CDH12: variants seen among roughly 807,000 people sequenced by gnomAD.
CDH12 encodes cadherin-12.
In CDH12, 41 loss-of-function variants were observed where a neutral mutation model predicts 74.1. That is an observed-to-expected ratio of 0.55 (90% CI 0.43 to 0.72). The LOEUF is 0.72. Ranked by LOEUF, CDH12 falls within the 30% of genes least tolerant of loss-of-function variation. CDH12 has a pLI of 0.00. For missense variants in CDH12, 945 were observed against 977.2 expected, an observed-to-expected ratio of 0.97 and a Z score of 0.44; for synonymous variants, 399 against 355.0, an observed-to-expected ratio of 1.12 and a Z score of -1.39.
intron 4 of CDH12, among the ~76,000 whole-genome samples, chr5:22,101,779 A>T (rs1380851466): frequency 5.9e-5 from 9 of 152,216 alleles, no homozygotes; most frequent in Non-Finnish European, 1.5e-5. Context: ...TAAACTGCAG[A>T]TGAGAAAACT....
chr5:22,340,855 G>C (rs1400203484), intron 3 of CDH12, among the ~76,000 whole-genome samples: 3 of 152,006 alleles, frequency 2.0e-5, no homozygotes, highest in African/African-American at 7.2e-5. Flanking sequence ...GAATAACTTG[G>C]AATACTGAAG....
intron 1 of CDH12, among the ~76,000 whole-genome samples, chr5:22,754,806 C>A (rs1160805687): frequency 6.6e-6 from 1 of 151,962 alleles, no homozygotes; most frequent in African/African-American, 2.4e-5. Flanking sequence ...AGGAAAAAGG[C>A]TAAAATCAAA....
At chr5:21,862,934 T>G (rs995516036) in intron 6 of CDH12, among the ~76,000 whole-genome samples, 1 of 152,126 alleles carries the variant, frequency 6.6e-6, no homozygotes, top group Non-Finnish European at 1.5e-5. Context: ...GCCTTCTCCT[T>G]CAGCCCCTTC....
intron 1 of CDH12, among the ~76,000 whole-genome samples, chr5:22,828,533 T>C (rs17359806): frequency 6.6e-6 from 1 of 152,218 alleles, no homozygotes; most frequent in East Asian, 1.9e-4. Context: ...CTGAAATAAA[T>C]TGAAAAGCAG....
chr5:22,559,968 T>G (rs1484838543), intron 1 of CDH12, among the ~76,000 whole-genome samples: 1 of 152,198 alleles, frequency 6.6e-6, no homozygotes, highest in Non-Finnish European at 1.5e-5. Flanking sequence ...TCCTTTACCT[T>G]GCATTAAGTG....
intron 3 of CDH12, among the ~76,000 whole-genome samples, chr5:22,249,537 G>T (rs1753066910): frequency 6.6e-6 from 1 of 152,140 alleles, no homozygotes; most frequent in Admixed American, 6.6e-5. Context: ...TCAAGGAGCT[G>T]GTTTACTTTT....
chr5:22,828,375 GATAAAAAAATTTGATAGGCA>G (rs1736433628), intron 1 of CDH12, among the ~76,000 whole-genome samples: 1 of 152,084 alleles, frequency 6.6e-6, no homozygotes, highest in South Asian at 2.1e-4. Flanking sequence ...GCTGGTTTTG[GATAAAAAAATTTGATAGGCA>G]TTACTTTAAA....
chr5:22,661,041 T>C (rs1580861910), intron 1 of CDH12, among the ~76,000 whole-genome samples: 1 of 152,194 alleles, frequency 6.6e-6, no homozygotes, highest in African/African-American at 2.4e-5. Flanking sequence ...TACATCTCTG[T>C]AGATCTTGCA....
intron 3 of CDH12, among the ~76,000 whole-genome samples, chr5:22,241,247 AC>A (rs1217549179): frequency 6.6e-6 from 1 of 151,904 alleles, no homozygotes; most frequent in Non-Finnish European, 1.5e-5. Context: ...TTTTTTTCCC[AC>A]AAAGGCCATA....
chr5:22,657,975 T>C (rs1286307803), intron 1 of CDH12, among the ~76,000 whole-genome samples: 1 of 152,190 alleles, frequency 6.6e-6, no homozygotes, highest in Non-Finnish European at 1.5e-5. Context: ...TAAAAGCTCA[T>C]GATGGCTAAG....
At chr5:22,752,181 TA>T (rs1465389170) in intron 1 of CDH12, among the ~76,000 whole-genome samples, 1 of 152,188 alleles carries the variant, frequency 6.6e-6, no homozygotes, top group East Asian at 1.9e-4. Flanking sequence ...CATAGATTTA[TA>T]AAATTTTCCC....
intron 1 of CDH12, among the ~76,000 whole-genome samples, chr5:22,708,539 T>TG (rs1189608260): frequency 4.6e-5 from 7 of 152,142 alleles, no homozygotes; most frequent in African/African-American, 1.7e-4. Flanking sequence ...ACAAAGGGTA[T>TG]GGTGTGCATG....
At chr5:21,752,527 T>C (rs943724006) in intron 14 of CDH12, among the ~76,000 whole-genome samples, 1 of 152,130 alleles carries the variant, frequency 6.6e-6, no homozygotes, top group African/African-American at 2.4e-5. Context: ...AAAAAGGAAA[T>C]AGTAGTTCTT....
At chr5:22,824,343 C>A (rs148442808) in intron 1 of CDH12, among the ~76,000 whole-genome samples, 1,968 of 152,050 alleles carry the variant, frequency 0.013, 46 homozygotes, top group African/African-American at 0.045. Flanking sequence ...AAATATTTTA[C>A]ATACAAGAAA....
At chr5:22,487,397 A>G (rs893178057) in intron 2 of CDH12, among the ~76,000 whole-genome samples, 11 of 152,196 alleles carry the variant, frequency 7.2e-5, no homozygotes, top group Middle Eastern at 3.2e-3. Context: ...GATAAAATGT[A>G]TATCGCATAA....
intron 1 of CDH12, among the ~76,000 whole-genome samples, chr5:22,771,316 C>A (rs1399899815): frequency 9.9e-5 from 15 of 152,016 alleles, no homozygotes; most frequent in Admixed American, 9.8e-4. Flanking sequence ...TGAATGTATT[C>A]TTAGTGGTCT....
intron 7 of CDH12, among the ~76,000 whole-genome samples, chr5:21,844,265 C>A (rs138688031): frequency 1.6e-4 from 25 of 151,994 alleles, no homozygotes; most frequent in Non-Finnish European, 3.2e-4. Context: ...TGAAAAAGTT[C>A]TTCTCCCACC....
intron 5 of CDH12, among the ~76,000 whole-genome samples, chr5:22,066,513 A>G (rs551954574): frequency 6.6e-6 from 1 of 152,296 alleles, no homozygotes; most frequent in East Asian, 1.9e-4. Flanking sequence ...AATGAAGTTC[A>G]GCTTGGGTCC....
chr5:21,966,158 GTT>G (rs71609724), intron 6 of CDH12, among the ~76,000 whole-genome samples: 20,439 of 123,158 alleles, frequency 0.17, 1,306 homozygotes, highest in African/African-American at 0.23. Context: ...CTATTTTTAC[GTT>G]TTTTTTTTTT....
Sources: gnomAD v4.1 joint callset for allele counts (sites outside exome capture counted in the v4.1 genomes callset) on GRCh38, gnomAD v4.1.1 for gene constraint, MANE v1.5 for transcripts, NCBI Gene and HGNC (gene_info 2026-07-23, HGNC 2026-07-21) for gene names.